The following FNIP1 variants were observed in gnomAD, a reference collection of about 807,000 sequenced individuals.
FNIP1 encodes folliculin-interacting protein 1.
In FNIP1, 40 loss-of-function variants were observed where a neutral mutation model predicts 124.5. That is an observed-to-expected ratio of 0.32 (90% CI 0.25 to 0.42). The LOEUF is 0.42. Ranked by LOEUF, FNIP1 falls within the 10% of genes least tolerant of loss-of-function variation. The pLI, the probability that FNIP1 is intolerant of heterozygous loss-of-function variation, is 1.00. For synonymous variants in FNIP1, 472 were observed against 470.6 expected (o/e 1.00, Z -0.04); for missense variants, 1,176 against 1,403.7 (o/e 0.84, Z 2.59).
intron 1 of FNIP1, among the ~76,000 whole-genome samples, chr5:131,767,427 C>CAAAAAAAAAAAAAAAAAAAA (rs139550903): frequency 6.2e-5 from 4 of 64,012 alleles, no homozygotes; most frequent in African/African-American, 2.0e-4. Context: ...GATTCTGTCT[C>CAAAAAAAAAAAAAAAAAAAA]AAAAAAAAAA....
intron 1 of FNIP1, among the ~76,000 whole-genome samples, chr5:131,749,781 C>T (rs896745980): frequency 6.6e-6 from 1 of 152,060 alleles, no homozygotes. Flanking sequence ...TGTGTTACAA[C>T]TCCCTACAGT....
intron 11 of FNIP1, among the ~76,000 whole-genome samples, chr5:131,681,503 T>A (rs1768079013): frequency 6.6e-6 from 1 of 151,780 alleles, no homozygotes; most frequent in South Asian, 2.1e-4. Context: ...CTCACCCATA[T>A]AAAATGACTC....
In FNIP1 at chr5:131,644,520, C is replaced by A; in HGVS notation, c.*165G>T. The A allele has an allele frequency of 2.3e-6, 1 of 429,012 alleles. No homozygotes were observed. Among genetic ancestry groups the A allele is most frequent in the Non-Finnish European group, 4.1e-6 (1 of 246,174 alleles). The allele number at this position is 429,012 out of a possible 1,614,324, so 26.6% of individuals were successfully genotyped here. On this transcript the variant is annotated 3_prime_UTR_variant, in exon 18 of 18. Coordinates refer to ENST00000510461, the MANE Select transcript of FNIP1 (RefSeq NM_133372.3). ...CAAAAGTCCAGTCAAAAAGAAAAAGCCATCTGACATACACAGAATATACAA... is the reference window on the plus strand; with the variant it reads ...CAAAAGTCCAGTCAAAAAGAAAAAGACATCTGACATACACAGAATATACAA...
chr5:131,669,425 TA>T (rs887970032), intron 15 of FNIP1, among the ~76,000 whole-genome samples: 1 of 152,048 alleles, frequency 6.6e-6, no homozygotes. Flanking sequence ...ATGTCCATAA[TA>T]AAATATTGGT....
In FNIP1 at chr5:131,710,588, A is replaced by G; in HGVS notation, c.696T>C (p.Ser232=). 1 of 1,613,838 alleles carries G rather than the reference A, an allele frequency of 6.2e-7. No individual in the cohort carries two copies. The highest frequency in any genetic ancestry group is 8.5e-7 in the Non-Finnish European group (1 of 1,179,936). Residue 232 remains serine, a synonymous_variant, in exon 7 of 18, where the codon TCT becomes TCC. Transcript: ENST00000510461. The part of the protein sequence containing the change: ...QGPLRLIRSA[S]FFAVHSNPMD... The stretch of plus-strand genomic sequence containing the variant: ...CAGCACATCGCAAACCTGCAAAGAA[A>G]GAGGCGCTCCTGATCAGGCGGAGCG...
chr5:131,698,298 A>G (rs1309416465), intron 11 of FNIP1, among the ~76,000 whole-genome samples: 2 of 152,226 alleles, frequency 1.3e-5, no homozygotes, highest in African/African-American at 4.8e-5. Flanking sequence ...AAAATGAAGT[A>G]GACCTAAACC....
rs181427477 is a variant in FNIP1 at position 131,721,569 on chromosome 5, C to T, written c.355-2152G>A. ...ATACCAGCATTTTGGGAGGCTTAGG[C>T]GAGAGGATCACAAGGTCAGGAGTTC... is the stretch of plus-strand genomic sequence containing the variant. On this transcript the variant is annotated intron_variant, in intron 3 of 17. Transcript: ENST00000510461. Among the ~76,000 whole-genome samples the T allele has an allele frequency of 1.6e-3, 245 of 152,062 alleles. 1 individual carries two copies. The highest frequency in any genetic ancestry group is 5.7e-3 in the African/African-American group (237 of 41,462).
At chr5:131,709,336 CTTTT>C in intron 7 of FNIP1, 64 bp from the exon 8 acceptor site, 6 of 1,372,926 alleles carry the variant, frequency 4.4e-6, no homozygotes, top group Non-Finnish European at 6.2e-6. Context: ...TGAACAGCTC[CTTTT>C]AAATAGCAAA....
At chr5:131,770,880 G>A (rs2149577563) in intron 1 of FNIP1, among the ~76,000 whole-genome samples, 1 of 152,236 alleles carries the variant, frequency 6.6e-6, no homozygotes, top group South Asian at 2.1e-4. Context: ...CAGTTTGTTT[G>A]TATGTGCACC....
intron 1 of FNIP1, among the ~76,000 whole-genome samples, chr5:131,786,406 T>C (rs1039245968): frequency 6.6e-6 from 1 of 152,216 alleles, no homozygotes; most frequent in Non-Finnish European, 1.5e-5. Flanking sequence ...ACATGGGTTC[T>C]ATTGGAGCTG....
intron 1 of FNIP1, 186 bp downstream of exon 1, chr5:131,796,643 AT>A: frequency 1.7e-6 from 1 of 583,538 alleles, no homozygotes; most frequent in Non-Finnish European, 3.0e-6. Context: ...GTGGGGTAAA[AT>A]AAAAGGTAGG....
At chr5:131,663,233 C>T (rs893867587) in intron 15 of FNIP1, among the ~76,000 whole-genome samples, 1 of 152,186 alleles carries the variant, frequency 6.6e-6, no homozygotes, top group African/African-American at 2.4e-5. Context: ...GAATTTTTCT[C>T]TTGAGAGCTC....
chr5:131,666,878 T>C lies in FNIP1; in HGVS notation c.3108+3585A>G, dbSNP rs78999902. On this transcript the variant is annotated intron_variant, in intron 15 of 17. Transcript: ENST00000510461. Reference sequence around the variant, plus strand: ...AGTCACAAGATACTGTGTTTGGCGATGGGTACAGATGAAAGAAGAAAAGAG... The same window carrying C: ...AGTCACAAGATACTGTGTTTGGCGACGGGTACAGATGAAAGAAGAAAAGAG... Among the ~76,000 whole-genome samples, 29 of 152,246 alleles carry C rather than the reference T, an allele frequency of 1.9e-4. No individual in the cohort carries two copies. The East Asian group carries it at 5.0e-3, about 26-fold the overall frequency.
intron 1 of FNIP1, among the ~76,000 whole-genome samples, chr5:131,768,547 T>C (rs1371805382): frequency 1.3e-5 from 2 of 152,008 alleles, no homozygotes; most frequent in African/African-American, 4.8e-5. Flanking sequence ...TGGTGGCTCA[T>C]GCCTGTAATC....
chr5:131,679,404 C>A (rs1451972768), intron 11 of FNIP1, among the ~76,000 whole-genome samples: 1 of 152,112 alleles, frequency 6.6e-6, no homozygotes, highest in African/African-American at 2.4e-5. Flanking sequence ...TGACTGTGTG[C>A]CCTAGAGTAA....
intron 1 of FNIP1, among the ~76,000 whole-genome samples, chr5:131,775,383 G>A (rs1771766127): frequency 6.6e-6 from 1 of 151,732 alleles, no homozygotes; most frequent in Non-Finnish European, 1.5e-5. Flanking sequence ...CTGAAAAAAA[G>A]TAAAATCCCA....
At chr5:131,700,537 G>C (rs972382432) in intron 10 of FNIP1, among the ~76,000 whole-genome samples, 3 of 152,158 alleles carry the variant, frequency 2.0e-5, no homozygotes, top group Non-Finnish European at 2.9e-5. Flanking sequence ...GAGGGTGAAA[G>C]TGAAACACGC....
chr5:131,671,556 T>A lies in FNIP1; in HGVS notation c.2888A>T (p.Tyr963Phe). 6.2e-7 allele frequency: 1 copy of A among 1,613,226 alleles called. No individual in the cohort carries two copies. Among genetic ancestry groups the A allele is most frequent in the Non-Finnish European group, 8.5e-7 (1 of 1,179,982 alleles). Residue 963 changes from tyrosine (Y) to phenylalanine (F), a missense_variant, in exon 14 of 18, where the codon TAT (tyrosine) becomes TTT (phenylalanine). This residue lies in a region of FNIP1 where 1,109 missense variants were observed against 1,288.5 expected (regional missense o/e 0.86). Coordinates refer to ENST00000510461, the MANE Select transcript of FNIP1 (RefSeq NM_133372.3). Reference protein sequence around the residue: ...HDMTRQVSSYYGGEQEDWAEE... With the variant: ...HDMTRQVSSYFGGEQEDWAEE... ...TGCCCAATCTTCTTGCTCTCCTCCA[T>A]AATAACTGCTAACTTGTCTAGTCAT...
At chr5:131,772,370 G>T (rs1771664071) in intron 1 of FNIP1, among the ~76,000 whole-genome samples, 1 of 135,118 alleles carries the variant, frequency 7.4e-6, no homozygotes, top group South Asian at 2.3e-4. Flanking sequence ...ACCTAAAAAA[G>T]AATAAATTTT....
Sources: allele counts gnomAD v4.1 joint callset (sites outside exome capture counted in the v4.1 genomes callset), GRCh38; gene constraint gnomAD v4.1.1; regional missense constraint gnomAD v4.1.1; transcripts MANE v1.5; gene names NCBI Gene and HGNC (gene_info 2026-07-23, HGNC 2026-07-21).